CADM2: variants seen among roughly 807,000 people sequenced by gnomAD.
The protein encoded by CADM2 is cell adhesion molecule 2.
Under a neutral mutation model 49.8 loss-of-function variants are expected in CADM2, and 12 were observed. The ratio of observed to expected loss-of-function variants is 0.24; its 90% confidence interval spans 0.15 to 0.39. CADM2 has a LOEUF of 0.39. Ranked by LOEUF, CADM2 falls within the 10% of genes least tolerant of loss-of-function variation. CADM2 has a pLI of 1.00. For missense variants in CADM2, 378 were observed against 492.3 expected, an observed-to-expected ratio of 0.77 and a Z score of 2.20; for synonymous variants, 214 against 175.4, an observed-to-expected ratio of 1.22 and a Z score of -1.74.
chr3:85,352,840 G>T (rs187043202), intron 1 of CADM2, among the ~76,000 whole-genome samples: 181 of 152,144 alleles, frequency 1.2e-3, no homozygotes, highest in African/African-American at 4.1e-3. Context: ...TGTGGTTCTG[G>T]TTATTAATTA....
intron 8 of CADM2, among the ~76,000 whole-genome samples, chr3:85,969,495 CT>C (rs1415284494): frequency 2.6e-5 from 4 of 150,966 alleles, no homozygotes; most frequent in East Asian, 3.9e-4. Context: ...TCAGTGAGGC[CT>C]TTTTTTTCCA....
intron 2 of CADM2, among the ~76,000 whole-genome samples, chr3:85,734,976 A>ATGTGTGTGTGTGTG (rs760487519): frequency 2.6e-5 from 3 of 113,622 alleles, no homozygotes; most frequent in African/African-American, 4.4e-5. Context: ...AGAAATATAT[A>ATGTGTGTGTGTGTG]TATGTGTGTG....
At chr3:86,046,224 C>T (rs911755215) in intron 8 of CADM2, among the ~76,000 whole-genome samples, 3 of 152,082 alleles carry the variant, frequency 2.0e-5, no homozygotes, top group Non-Finnish European at 4.4e-5. Flanking sequence ...TTCTTACATG[C>T]TTCCAGTTTG....
In CADM2 at chr3:84,959,362, C is replaced by A; in HGVS notation, c.-246C>A. 1 of 568,104 alleles carries A rather than the reference C, an allele frequency of 1.8e-6. No homozygotes were observed. The allele number at this position is 568,104 out of a possible 1,614,324, so 35.2% of individuals were successfully genotyped here. The stretch of plus-strand genomic sequence containing the variant: ...CTGCCTGGAAGACGGGCTGTCGCGG[C>A]TGCACCACCAGCAGGAGGAGGAGGA... On this transcript the variant is annotated 5_prime_UTR_variant, in exon 1 of 10. It adds an upstream start codon to the 5' untranslated region. Transcript: ENST00000383699.
chr3:85,741,474 C>G (rs912270298), intron 2 of CADM2, among the ~76,000 whole-genome samples: 1 of 152,108 alleles, frequency 6.6e-6, no homozygotes, highest in Non-Finnish European at 1.5e-5. Flanking sequence ...TCGAGACAAT[C>G]CTAGCCAACA....
intron 1 of CADM2, among the ~76,000 whole-genome samples, chr3:85,382,353 T>C (rs889755182): frequency 2.0e-5 from 3 of 152,046 alleles, no homozygotes; most frequent in African/African-American, 7.2e-5. Flanking sequence ...TATTAGATAA[T>C]AAGCAGTGGG....
chr3:85,098,423 G>T (rs972668848), intron 1 of CADM2, among the ~76,000 whole-genome samples: 5 of 151,950 alleles, frequency 3.3e-5, no homozygotes, highest in African/African-American at 9.7e-5. Context: ...GTATAACCTT[G>T]CACAAGTCAC....
At chr3:85,623,598 C>A (rs533260210) in intron 1 of CADM2, among the ~76,000 whole-genome samples, 1 of 152,052 alleles carries the variant, frequency 6.6e-6, no homozygotes, top group Non-Finnish European at 1.5e-5. Context: ...AATCAGAGAG[C>A]AAGTGTTATA....
At chr3:85,683,206 C>T (rs1350388856) in intron 1 of CADM2, among the ~76,000 whole-genome samples, 2 of 149,310 alleles carry the variant, frequency 1.3e-5, no homozygotes, top group Admixed American at 1.3e-4. Context: ...TTTATATCCC[C>T]TGCTCTCTCT....
intron 3 of CADM2, among the ~76,000 whole-genome samples, chr3:85,847,765 G>T (rs2074942156): frequency 6.6e-6 from 1 of 152,058 alleles, no homozygotes; most frequent in Non-Finnish European, 1.5e-5. Flanking sequence ...CCCATTAATG[G>T]ATAAGCAATT....
intron 8 of CADM2, among the ~76,000 whole-genome samples, chr3:85,995,950 C>A (rs1397563783): frequency 6.6e-6 from 1 of 151,528 alleles, no homozygotes; most frequent in Non-Finnish European, 1.5e-5. Context: ...ATTAGCCAGG[C>A]GTGGTGGCGG....
intron 1 of CADM2, among the ~76,000 whole-genome samples, chr3:85,369,978 A>G (rs1232734790): frequency 6.6e-6 from 1 of 152,024 alleles, no homozygotes; most frequent in African/African-American, 2.4e-5. Flanking sequence ...AATTAAAAAA[A>G]ACAGCAAAAT....
At chr3:85,320,874 G>C (rs1444314748) in intron 1 of CADM2, among the ~76,000 whole-genome samples, 3 of 150,956 alleles carry the variant, frequency 2.0e-5, no homozygotes, top group Non-Finnish European at 4.4e-5. Context: ...ATCTCTGAAA[G>C]GAAGTACACT....
chr3:85,157,573 AAAAC>A (rs1222302619), intron 1 of CADM2, among the ~76,000 whole-genome samples: 1 of 152,216 alleles, frequency 6.6e-6, no homozygotes, highest in Non-Finnish European at 1.5e-5. Context: ...AAACCTGAGA[AAAAC>A]AAGCATTGAG....
In CADM2 at chr3:85,961,580, T is replaced by G. The variant is rs1220516122; in HGVS notation, c.903T>G (p.Gly301=). The change falls in exon 8 of 10, where the codon GGT becomes GGG. Residue 301 remains glycine, a synonymous_variant. Transcript: ENST00000383699. ...NILFLNKTDN[G]TYRCEATNTI... Reference sequence around the variant, plus strand: ...TTTTCCTGAACAAAACGGATAATGGTACATATCGATGTGAAGCCACAAACA... The same window carrying G: ...TTTTCCTGAACAAAACGGATAATGGGACATATCGATGTGAAGCCACAAACA... 1 of 1,609,344 alleles carries G rather than the reference T, an allele frequency of 6.2e-7. No homozygotes were observed. Among genetic ancestry groups the G allele is most frequent in the African/African-American group, 1.3e-5 (1 of 74,796 alleles).
intron 1 of CADM2, among the ~76,000 whole-genome samples, chr3:85,222,394 A>G (rs2042062536): frequency 6.6e-6 from 1 of 152,142 alleles, no homozygotes; most frequent in African/African-American, 2.4e-5. Flanking sequence ...TTAAAAAAAT[A>G]CCAGGTGATG....
At chr3:85,657,967 A>G (rs1430520738) in intron 1 of CADM2, among the ~76,000 whole-genome samples, 1 of 151,968 alleles carries the variant, frequency 6.6e-6, no homozygotes, top group African/African-American at 2.4e-5. Context: ...CATATTGTAT[A>G]TCTCTAATTT....
chr3:85,886,396 A>G, intron 5 of CADM2, 69 bp downstream of exon 5: 1 of 1,158,562 alleles, frequency 8.6e-7, no homozygotes, highest in Non-Finnish European at 1.3e-6. Context: ...AGAAAAAGGC[A>G]TTTTACATTA....
chr3:85,940,576 A>G, intron 7 of CADM2, among the ~76,000 whole-genome samples: 1 of 152,214 alleles, frequency 6.6e-6, no homozygotes, highest in Middle Eastern at 3.4e-3. Context: ...AGCAATGTTA[A>G]ATTATTTGGC....
Sources: allele counts gnomAD v4.1 joint callset (sites outside exome capture counted in the v4.1 genomes callset), GRCh38; gene constraint gnomAD v4.1.1; transcripts MANE v1.5; gene names NCBI Gene and HGNC (gene_info 2026-07-23, HGNC 2026-07-21).